Variants in PHC3 observed in about 807,000 individuals in gnomAD.
PHC3 encodes the protein polyhomeotic-like protein 3.
In PHC3, 13 loss-of-function variants were observed where a neutral mutation model predicts 107.4. That is an observed-to-expected ratio of 0.12 (90% CI 0.08 to 0.19). PHC3 has a LOEUF of 0.19. Among genes scored for constraint, PHC3 ranks in the 10% least tolerant of loss-of-function variants. The probability of loss-of-function intolerance (pLI) is 1.00; values close to 1 mark genes in which losing one functional copy is unlikely to be tolerated. For missense variants in PHC3, 992 were observed against 1,210.9 expected (o/e 0.82, Z 2.68); for synonymous variants, 456 against 427.4 (o/e 1.07, Z -0.83).
At chr3:170,110,080 T>C (rs1560031214) in intron 11 of PHC3, among the ~76,000 whole-genome samples, 1 of 152,154 alleles carries the variant, frequency 6.6e-6, no homozygotes, top group Non-Finnish European at 1.5e-5. Flanking sequence ...CCTGCTGATA[T>C]GATAACATCA....
intron 4 of PHC3, chr3:170,149,966 G>C (rs1725637009): frequency 6.6e-6 from 1 of 152,126 alleles, no homozygotes; most frequent in Admixed American, 6.6e-5. Flanking sequence ...AGGGGATTTT[G>C]TATGTTCTCA....
At chr3:170,140,641 C>T (rs1259002675) in intron 6 of PHC3, among the ~76,000 whole-genome samples, 1 of 131,168 alleles carries the variant, frequency 7.6e-6, no homozygotes, top group African/African-American at 3.0e-5. Flanking sequence ...TCACCCACGC[C>T]GGACTGTAGT....
intron 9 of PHC3, among the ~76,000 whole-genome samples, chr3:170,122,303 T>C (rs138330864): frequency 0.012 from 1,860 of 152,098 alleles, 39 homozygotes; most frequent in African/African-American, 0.043. Context: ...CGTTTAATAT[T>C]ATCTCTAGTG....
chr3:170,129,142 G>T lies in PHC3; in HGVS notation c.1330C>A (p.Pro444Thr), dbSNP rs369879956. The T allele has an allele frequency of 9.3e-6, 15 of 1,613,798 alleles. No homozygotes were observed. The African/African-American group carries it at 1.9e-4, about 20-fold the overall frequency. ...GTGGACTGCTGCAAATTTGGCCCTG[G>T]CTGGAGAGCTGATGACACAAGAGGG... The part of the protein sequence containing the change: ...PHPLVSSALQ[P>T]GPNLQQSTAN... The change falls in exon 8 of 15, where the codon CCA (proline) becomes ACA (threonine). Residue 444 changes from proline (P) to threonine (T), a missense_variant. This residue lies in a region of PHC3 where 543 missense variants were observed against 590.8 expected (regional missense o/e 0.92). Transcript: ENST00000495893.
chr3:170,103,502 G>A (rs1235712159), intron 12 of PHC3, among the ~76,000 whole-genome samples: 1 of 151,932 alleles, frequency 6.6e-6, no homozygotes, highest in Non-Finnish European at 1.5e-5. Context: ...AGAAAATTTA[G>A]AAGTATATAA....
At chr3:170,120,574 A>G (rs1469124020) in intron 9 of PHC3, among the ~76,000 whole-genome samples, 2 of 151,060 alleles carry the variant, frequency 1.3e-5, no homozygotes, top group African/African-American at 4.9e-5. Context: ...CTCCATCTCA[A>G]AAAAAAAAAC....
chr3:170,179,027 A>AGATTACTGCTG, intron 1 of PHC3, 89 bp from the exon 2 acceptor site: 11 of 1,227,922 alleles, frequency 9.0e-6, no homozygotes, highest in Non-Finnish European at 1.3e-5. Flanking sequence ...AATCAGCAGT[A>AGATTACTGCTG]ATCTAAACTG....
At chr3:170,177,585 T>C (rs1371151206) in intron 2 of PHC3, among the ~76,000 whole-genome samples, 1 of 151,784 alleles carries the variant, frequency 6.6e-6, no homozygotes, top group African/African-American at 2.4e-5. Context: ...CAGGCTGGTC[T>C]CAAACACCTG....
rs1201042423 is a variant in PHC3 at position 170,126,502 on chromosome 3, A to ATG, written c.1788+2180_1788+2181dup. 3.5e-3 allele frequency among the ~76,000 whole-genome samples: 430 copies of ATG among 122,972 alleles called. 7 individuals carry two copies. Among genetic ancestry groups the ATG allele is most frequent in the African/African-American group, 0.012 (369 of 31,500 alleles). The allele number at this position is 122,972 out of a possible 152,430, so 80.7% of individuals were successfully genotyped here. On this transcript the variant is annotated intron_variant, in intron 8 of 14. Transcript: ENST00000495893. Reference sequence around the variant, plus strand: ...TAGTTTTCAAAGTATTATGCTCCATATGTATATATATATATATATATATAT... The same window carrying ATG: ...TAGTTTTCAAAGTATTATGCTCCATATGTGTATATATATATATATATATATAT...
At chr3:170,109,274 T>C (rs1244048223) in intron 11 of PHC3, among the ~76,000 whole-genome samples, 2 of 152,152 alleles carry the variant, frequency 1.3e-5, no homozygotes, top group Non-Finnish European at 2.9e-5. Context: ...TAAAAACAAG[T>C]TTCTGCCCTA....
intron 4 of PHC3, chr3:170,169,911 A>G (rs1195760720): frequency 6.6e-6 from 1 of 152,210 alleles, no homozygotes; most frequent in African/African-American, 2.4e-5. Context: ...ATCTGATGTC[A>G]ATGACAAAAA....
At chr3:170,145,550 C>T in intron 5 of PHC3, 29 bp from the exon 6 acceptor site, 6 of 1,534,772 alleles carry the variant, frequency 3.9e-6, no homozygotes, top group Non-Finnish European at 5.4e-6. Flanking sequence ...AAAAAAATAC[C>T]CTAAGACAAA....
chr3:170,093,810 T>C lies in PHC3; in HGVS notation c.*3420A>G, dbSNP rs1207059222. ...CGTCAAAAATTATTCAAAGGCATGA[T>C]CACAATAATACTTGTTTCATAGTTC... On this transcript the variant is annotated 3_prime_UTR_variant, in exon 15 of 15. Transcript: ENST00000495893. The C allele has an allele frequency of 2.0e-5, 3 of 152,218 alleles. No homozygotes were observed. Among genetic ancestry groups the C allele is most frequent in the Non-Finnish European group, 4.4e-5 (3 of 68,034 alleles). The allele number at this position is 152,218 out of a possible 1,614,324, so 9.4% of individuals were successfully genotyped here.
At chr3:170,153,744 C>A (rs1410931177) in intron 4 of PHC3, among the ~76,000 whole-genome samples, 4 of 144,748 alleles carry the variant, frequency 2.8e-5, no homozygotes, top group African/African-American at 7.6e-5. Flanking sequence ...GCCTGGGTGA[C>A]AGAGAGAGAC....
intron 7 of PHC3, among the ~76,000 whole-genome samples, chr3:170,135,531 T>C (rs1722937500): frequency 6.6e-6 from 1 of 151,414 alleles, no homozygotes; most frequent in Non-Finnish European, 1.5e-5. Context: ...ACTCAAACAA[T>C]ATATAGTTAT....
Position 170,092,722 on chromosome 3 carries a change from T to TG in PHC3, c.*4507dup, listed in dbSNP as rs1013698908. On this transcript the variant is annotated 3_prime_UTR_variant, in exon 15 of 15. Transcript: ENST00000495893. ...CTGGCAACTCAATTACAACAACCTT[T>TG]GAATTTTTGACAAATATTCTCCAAC... The TG allele has an allele frequency of 4.1e-4, 62 of 152,350 alleles. No homozygotes were observed. Among genetic ancestry groups the TG allele is most frequent in the African/African-American group, 1.3e-3 (53 of 41,590 alleles). The allele number at this position is 152,350 out of a possible 1,614,324, so 9.4% of individuals were successfully genotyped here. A position where few individuals can be genotyped will look rare whatever the true frequency, so the allele number is the denominator to read the frequency against.
intron 12 of PHC3, among the ~76,000 whole-genome samples, chr3:170,106,197 G>T (rs1255856427): frequency 6.6e-6 from 1 of 152,028 alleles, no homozygotes; most frequent in African/African-American, 2.4e-5. Flanking sequence ...GGGCTATAGA[G>T]TAAGACTCTA....
rs779642826 is a variant in PHC3, at chr3:170,102,613, C to T, written c.2699G>A (p.Arg900Gln). 3.2e-5 allele frequency: 51 copies of T among 1,613,846 alleles called. No homozygotes were observed. Among genetic ancestry groups the T allele is most frequent in the Non-Finnish European group, 3.6e-5 (42 of 1,179,874 alleles). ...MTTRLRRQSE[R>Q]ERERELRDVR... ...ATCCCGAAGCTCACGTTCTCTTTCC[C>T]GCTCGCTCTGCCTGCGCAGACGAGT... The change falls in exon 14 of 15, where the codon CGG (arginine) becomes CAG (glutamine). Residue 900 changes from arginine to glutamine, a missense_variant. Transcript: ENST00000495893.
intron 8 of PHC3, among the ~76,000 whole-genome samples, chr3:170,126,504 GTA>G (rs1174515889): frequency 0.061 from 7,184 of 117,130 alleles, 224 homozygotes; most frequent in Middle Eastern, 0.071. Flanking sequence ...TGCTCCATAT[GTA>G]TATATATATA....
Sources: gnomAD v4.1 joint callset for allele counts (sites outside exome capture counted in the v4.1 genomes callset) on GRCh38, gnomAD v4.1.1 for gene constraint, gnomAD v4.1.1 regional missense constraint, MANE v1.5 for transcripts, NCBI Gene and HGNC (gene_info 2026-07-23, HGNC 2026-07-21) for gene names.